The following CPNE8 variants were observed in gnomAD, a reference collection of about 807,000 sequenced individuals.
The protein encoded by CPNE8 is copine 8.
In CPNE8, 45 loss-of-function variants were observed where a neutral mutation model predicts 81.5. That is an observed-to-expected ratio of 0.55 (90% CI 0.44 to 0.71). The LOEUF is 0.71. Ranked by LOEUF, CPNE8 falls within the 30% of genes least tolerant of loss-of-function variation. CPNE8 has a pLI of 0.00. For synonymous variants in CPNE8, 252 were observed against 226.3 expected (o/e 1.11, Z -1.02); for missense variants, 594 against 672.1 (o/e 0.88, Z 1.28).
rs1173175363 is a variant in CPNE8, at chr12:38,800,012, A to C, written c.408-23711T>G. On this transcript the variant is annotated intron_variant, in intron 6 of 19. Coordinates refer to ENST00000331366, the MANE Select transcript of CPNE8 (RefSeq NM_153634.3). ...ACCTGGCTCAGAGGGTCCTACGCCC[A>C]CGGAATCTCGCTGATTGCTAGCACA... Among the ~76,000 whole-genome samples, 3 of 140,504 alleles carry C rather than the reference A, an allele frequency of 2.1e-5. No homozygotes were observed. The South Asian group carries it at 7.5e-4, about 35-fold the overall frequency. The allele number at this position is 140,504 out of a possible 152,430, so 92.2% of individuals were successfully genotyped here. A position where few individuals can be genotyped will look rare whatever the true frequency, so the allele number is the denominator to read the frequency against.
chr12:38,792,620 C>G (rs1413433718), intron 6 of CPNE8, among the ~76,000 whole-genome samples: 1 of 151,628 alleles, frequency 6.6e-6, no homozygotes, highest in Non-Finnish European at 1.5e-5. Flanking sequence ...GCATAAGTCC[C>G]AATGGTTCAA....
rs758934752 is a variant in CPNE8 at position 38,675,760 on chromosome 12, T to C, written c.1389A>G (p.Pro463=). ...CAACACCTACTATAATTATTGACATTGGAAGTTTTGAGGCCTTCAAAGAGA... is the reference window on the plus strand; with the variant it reads ...CAACACCTACTATAATTATTGACATCGGAAGTTTTGAGGCCTTCAAAGAGA... ...KESIVNASKL[P]MSIIIVGVGP... is the part of the protein sequence containing the mutation. Residue 463 remains proline, a synonymous_variant, in exon 18 of 20, where the codon CCA becomes CCG. Transcript: ENST00000331366. 3.1e-6 allele frequency: 5 copies of C among 1,604,598 alleles called. No homozygotes were observed. Among genetic ancestry groups the C allele is most frequent in the Non-Finnish European group, 4.3e-6 (5 of 1,171,884 alleles).
At chr12:38,717,427 G>T (rs1026330092) in intron 13 of CPNE8, among the ~76,000 whole-genome samples, 1 of 69,728 alleles carries the variant, frequency 1.4e-5, no homozygotes. Context: ...AGAAAGTGTG[G>T]TGTATATATA....
intron 1 of CPNE8, among the ~76,000 whole-genome samples, chr12:38,895,127 A>C (rs2137151809): frequency 6.6e-6 from 1 of 152,260 alleles, no homozygotes; most frequent in South Asian, 2.1e-4. Context: ...CTAATTAGCA[A>C]GGTAAGAAAA....
chr12:38,688,868 A>T (rs954179393), intron 15 of CPNE8, among the ~76,000 whole-genome samples: 7 of 152,184 alleles, frequency 4.6e-5, no homozygotes, highest in African/African-American at 1.7e-4. Flanking sequence ...ACCACTGCTC[A>T]GGTGATGGGT....
intron 6 of CPNE8, among the ~76,000 whole-genome samples, chr12:38,795,928 G>C (rs1942458019): frequency 7.4e-6 from 1 of 135,892 alleles, no homozygotes; most frequent in Non-Finnish European, 1.6e-5. Context: ...ATGACCAGTT[G>C]AGGTTATTCT....
intron 6 of CPNE8, among the ~76,000 whole-genome samples, chr12:38,828,290 T>C (rs1258551268): frequency 1.3e-5 from 2 of 152,268 alleles, no homozygotes; most frequent in East Asian, 1.9e-4. Context: ...TGAGCATAAA[T>C]ATATTTTTGT....
At chr12:38,902,153 A>G (rs76623990) in intron 1 of CPNE8, among the ~76,000 whole-genome samples, 10 of 151,082 alleles carry the variant, frequency 6.6e-5, no homozygotes, top group Admixed American at 1.3e-4. Flanking sequence ...AAGAAAGGAA[A>G]TGAAGAAAAG....
intron 6 of CPNE8, among the ~76,000 whole-genome samples, chr12:38,809,237 CGGCCA>C (rs1565629820): frequency 1.3e-5 from 2 of 152,128 alleles, no homozygotes; most frequent in Admixed American, 6.6e-5. Flanking sequence ...ATCAAGGTGT[CGGCCA>C]GCTTGTGTTC....
intron 14 of CPNE8, 74 bp from the exon 15 acceptor site, chr12:38,693,912 A>T (rs981230229): frequency 7.8e-5 from 96 of 1,226,216 alleles, no homozygotes; most frequent in Non-Finnish European, 1.1e-4. Flanking sequence ...CTTGGTGTCT[A>T]TTTCAGAATG....
At position 38,695,574 on chromosome 12, in the gene CPNE8, T is replaced by A. The variant is rs1054532960; in HGVS notation, c.962-1736A>T. Among the ~76,000 whole-genome samples the A allele has an allele frequency of 4.6e-5, 7 of 152,338 alleles. No homozygotes were observed. The South Asian group carries it at 1.0e-3, about 23-fold the overall frequency. ...TCCAGTGTGATTTTTCTTTGACACTTGCTTCTAAAGTAGGGACTTTGCCAC... is the reference window on the plus strand; with the variant it reads ...TCCAGTGTGATTTTTCTTTGACACTAGCTTCTAAAGTAGGGACTTTGCCAC... On this transcript the variant is annotated intron_variant, in intron 14 of 19. Transcript: ENST00000331366.
At position 38,693,829 on chromosome 12, in the gene CPNE8, G is replaced by A. The variant is rs1939733847; in HGVS notation, c.971C>T (p.Ala324Val). Residue 324 changes from alanine (A) to valine (V), a missense_variant, in exon 15 of 20, where the codon GCT becomes GTT. Physicochemically the swap from Ala to Val is moderately conservative, Grantham distance 64. Transcript: ENST00000331366. ...IDFTASNGNP[A>V]QPTSLHYMNP... is the part of the protein sequence containing the mutation. ...CATGTAGTGGAGGGAAGTGGGCTGAGCAGGGTTGCCTGATGACAGAACACA... is the reference window on the plus strand; with the variant it reads ...CATGTAGTGGAGGGAAGTGGGCTGAACAGGGTTGCCTGATGACAGAACACA... 1 of 1,603,308 alleles carries A rather than the reference G, an allele frequency of 6.2e-7. No individual in the cohort carries two copies. The highest frequency in any genetic ancestry group is 2.3e-5 in the East Asian group (1 of 44,370).
intron 13 of CPNE8, among the ~76,000 whole-genome samples, chr12:38,709,675 T>C (rs995691225): frequency 3.3e-5 from 5 of 152,212 alleles, no homozygotes; most frequent in African/African-American, 1.2e-4. Context: ...CTTTGAATAC[T>C]GGATTGTATA....
At chr12:38,834,108 A>C (rs1181703904) in intron 5 of CPNE8, among the ~76,000 whole-genome samples, 1 of 152,156 alleles carries the variant, frequency 6.6e-6, no homozygotes, top group African/African-American at 2.4e-5. Context: ...TGGAGGGTTT[A>C]AACTGGAAAG....
chr12:38,850,040 T>A (rs1481559889), intron 3 of CPNE8, among the ~76,000 whole-genome samples: 1 of 152,108 alleles, frequency 6.6e-6, no homozygotes, highest in Non-Finnish European at 1.5e-5. Flanking sequence ...AATGAGCCTA[T>A]CCATTTTAAT....
intron 11 of CPNE8, among the ~76,000 whole-genome samples, chr12:38,729,212 C>T (rs753454415): frequency 2.0e-5 from 3 of 152,042 alleles, no homozygotes; most frequent in Non-Finnish European, 4.4e-5. Context: ...TAGGTATTTA[C>T]GTAATTACAA....
At chr12:38,835,203 C>T (rs1189426408) in intron 5 of CPNE8, among the ~76,000 whole-genome samples, 1 of 152,124 alleles carries the variant, frequency 6.6e-6, no homozygotes, top group Non-Finnish European at 1.5e-5. Context: ...TTTCTTGACT[C>T]AAGGCCACTG....
intron 14 of CPNE8, 77 bp downstream of exon 14, chr12:38,702,798 T>G: frequency 1.2e-6 from 1 of 855,632 alleles, no homozygotes; most frequent in Non-Finnish European, 1.8e-6. Context: ...AGAAATAAAT[T>G]AACACTTATG....
At chr12:38,771,010 G>A (rs1407694949) in intron 7 of CPNE8, among the ~76,000 whole-genome samples, 2 of 152,070 alleles carry the variant, frequency 1.3e-5, no homozygotes, top group Non-Finnish European at 2.9e-5. Flanking sequence ...CAGGTTTGGG[G>A]GTTGTGGTGT....
Sources: gnomAD v4.1 joint callset for allele counts (sites outside exome capture counted in the v4.1 genomes callset) on GRCh38, gnomAD v4.1.1 for gene constraint, MANE v1.5 for transcripts, NCBI Gene and HGNC (gene_info 2026-07-23, HGNC 2026-07-21) for gene names.